The following MTUS2 variants were observed in gnomAD, a reference collection of about 807,000 sequenced individuals.
The protein encoded by MTUS2 is microtubule associated scaffold protein 2.
MTUS2 carries 40 observed loss-of-function variants against 114.1 expected under a neutral mutation model. The observed-to-expected ratio is 0.35, with a 90% CI of 0.27 to 0.46. The LOEUF (loss-of-function observed/expected upper bound fraction) is 0.46, where lower values mean the gene tolerates loss of function less well. MTUS2 is among the 20% of genes least tolerant of loss of function. The pLI is 1.00. For missense variants in MTUS2, 1,679 were observed against 1,705.4 expected (o/e 0.98, Z 0.27); for synonymous variants, 688 against 672.0 (o/e 1.02, Z -0.37).
At chr13:29,463,696 A>G (rs1879681542) in intron 9 of MTUS2, among the ~76,000 whole-genome samples, 1 of 152,162 alleles carries the variant, frequency 6.6e-6, no homozygotes, top group African/African-American at 2.4e-5. Flanking sequence ...CTTCTGGGCA[A>G]AGAAAAGGGA....
intron 1 of MTUS2, 49 bp downstream of exon 1, chr13:28,820,660 T>C (rs1355831351): frequency 6.6e-6 from 1 of 152,128 alleles, no homozygotes; most frequent in Non-Finnish European, 1.5e-5. Flanking sequence ...CTGGCTCTGC[T>C]GCCGCCCTCT....
intron 2 of MTUS2, among the ~76,000 whole-genome samples, chr13:28,912,906 T>C (rs148931467): frequency 6.6e-6 from 1 of 152,252 alleles, no homozygotes; most frequent in East Asian, 1.9e-4. Context: ...AGTTTTAGGG[T>C]ACATGTACAC....
intron 6 of MTUS2, among the ~76,000 whole-genome samples, chr13:29,312,122 A>T (rs4769714): frequency 0.27 from 41,364 of 151,996 alleles, 6,124 homozygotes; most frequent in Admixed American, 0.39. Flanking sequence ...TCTCAGCTCA[A>T]ACATAACCTT....
chr13:28,831,806 G>C (rs1275959453), intron 1 of MTUS2, among the ~76,000 whole-genome samples: 2 of 151,730 alleles, frequency 1.3e-5, no homozygotes, highest in African/African-American at 4.8e-5. Flanking sequence ...GCTCAGGCTG[G>C]AGTGCAGTGG....
intron 5 of MTUS2, among the ~76,000 whole-genome samples, chr13:29,191,058 C>A (rs1003176614): frequency 1.3e-5 from 2 of 152,112 alleles, no homozygotes; most frequent in African/African-American, 4.8e-5. Context: ...ATGAGGGAAG[C>A]CCAGGAGGTT....
intron 8 of MTUS2, among the ~76,000 whole-genome samples, chr13:29,368,589 A>G (rs1300684469): frequency 1.3e-5 from 2 of 152,330 alleles, no homozygotes; most frequent in Non-Finnish European, 1.5e-5. Flanking sequence ...GTATCAAAAT[A>G]TCAGATACAC....
At chr13:29,219,492 A>T (rs548119091) in intron 5 of MTUS2, among the ~76,000 whole-genome samples, 1 of 152,224 alleles carries the variant, frequency 6.6e-6, no homozygotes, top group South Asian at 2.1e-4. Flanking sequence ...ATACCCAGTA[A>T]TGGGATGGCT....
chr13:29,355,976 A>G (rs1191714282), intron 7 of MTUS2, among the ~76,000 whole-genome samples: 2 of 152,176 alleles, frequency 1.3e-5, no homozygotes, highest in African/African-American at 2.4e-5. Context: ...TCAGAAAGAC[A>G]TTGTAGGGGA....
At chr13:29,298,007 C>T (rs1899024856) in intron 6 of MTUS2, among the ~76,000 whole-genome samples, 1 of 152,152 alleles carries the variant, frequency 6.6e-6, no homozygotes, top group Non-Finnish European at 1.5e-5. Context: ...TTCTGCTGTT[C>T]ATATGTCAAA....
intron 8 of MTUS2, among the ~76,000 whole-genome samples, chr13:29,399,597 A>C (rs1874171202): frequency 6.6e-6 from 1 of 152,230 alleles, no homozygotes; most frequent in Non-Finnish European, 1.5e-5. Flanking sequence ...TGAACTGAAA[A>C]TTTGAAGAAA....
chr13:28,863,475 C>T (rs1877114806), intron 2 of MTUS2, among the ~76,000 whole-genome samples: 1 of 152,066 alleles, frequency 6.6e-6, no homozygotes, highest in African/African-American at 2.4e-5. Flanking sequence ...GGAATTCTGG[C>T]CTTAGACGTA....
At chr13:29,245,986 C>T (rs1165063885) in intron 5 of MTUS2, among the ~76,000 whole-genome samples, 1 of 152,160 alleles carries the variant, frequency 6.6e-6, no homozygotes, top group Admixed American at 6.5e-5. Context: ...CGTGAGCCAC[C>T]GCGCCCAGCC....
rs113076349 is a variant in MTUS2 at position 29,006,688 on chromosome 13, G to A, written c.-242-17769G>A. Among the ~76,000 whole-genome samples, 520 of 152,260 alleles carry A rather than the reference G, an allele frequency of 3.4e-3. 3 individuals carry two copies. Among genetic ancestry groups the A allele is most frequent in the African/African-American group, 0.012 (497 of 41,560 alleles). On this transcript the variant is annotated intron_variant, in intron 2 of 15. Transcript: ENST00000612955. ...CAGGTTTTTGTTTGTTCATTTGTTTGTTTGTTTTTGTATCTCTTTATGACA... is the reference window on the plus strand; with the variant it reads ...CAGGTTTTTGTTTGTTCATTTGTTTATTTGTTTTTGTATCTCTTTATGACA...
intron 2 of MTUS2, among the ~76,000 whole-genome samples, chr13:28,996,550 C>T (rs1885116780): frequency 6.6e-6 from 1 of 152,074 alleles, no homozygotes; most frequent in Non-Finnish European, 1.5e-5. Flanking sequence ...GGTTGGTAAG[C>T]TATTAATTAT....
At chr13:29,438,478 C>CT (rs1444035870) in intron 8 of MTUS2, among the ~76,000 whole-genome samples, 1 of 152,190 alleles carries the variant, frequency 6.6e-6, no homozygotes, top group Non-Finnish European at 1.5e-5. Context: ...GTGCGGGCCA[C>CT]TTTCCCGTAA....
intron 2 of MTUS2, among the ~76,000 whole-genome samples, chr13:28,909,221 G>T (rs1462350040): frequency 2.6e-5 from 4 of 151,430 alleles, no homozygotes; most frequent in African/African-American, 9.8e-5. Flanking sequence ...TTCCAATTCT[G>T]TGTAGCAAGT....
chr13:29,330,686 T>G (rs1176925243), intron 7 of MTUS2, among the ~76,000 whole-genome samples: 1 of 152,240 alleles, frequency 6.6e-6, no homozygotes, highest in Non-Finnish European at 1.5e-5. Flanking sequence ...ATTTATTAAA[T>G]AGGGAATCAT....
At chr13:28,942,790 T>C (rs746484720) in intron 2 of MTUS2, among the ~76,000 whole-genome samples, 67 of 152,194 alleles carry the variant, frequency 4.4e-4, no homozygotes, top group Non-Finnish European at 8.5e-4. Flanking sequence ...TTAGTGGTTA[T>C]CTGTAGAGAG....
At chr13:28,937,445 C>A (rs564175629) in intron 2 of MTUS2, among the ~76,000 whole-genome samples, 82 of 152,262 alleles carry the variant, frequency 5.4e-4, no homozygotes, top group African/African-American at 1.9e-3. Flanking sequence ...CTGAGGTCCC[C>A]TTCCACACTG....
Sources: allele counts gnomAD v4.1 joint callset (sites outside exome capture counted in the v4.1 genomes callset), GRCh38; gene constraint gnomAD v4.1.1; transcripts MANE v1.5; gene names NCBI Gene and HGNC (gene_info 2026-07-23, HGNC 2026-07-21).